Variants in UNC13C observed in about 807,000 individuals in gnomAD.
UNC13C encodes the protein unc-13 homolog C, also known as protein unc-13 homolog C.
UNC13C carries 174 observed loss-of-function variants against 245.4 expected under a neutral mutation model. That is an observed-to-expected ratio of 0.71 (90% CI 0.63 to 0.80). The LOEUF is 0.80. Among genes scored for constraint, UNC13C ranks in the 30% least tolerant of loss-of-function variants. The pLI is 0.00. For missense variants in UNC13C, 2,829 were observed against 2,602.9 expected, an observed-to-expected ratio of 1.09 and a Z score of -1.89; for synonymous variants, 992 against 895.1, an observed-to-expected ratio of 1.11 and a Z score of -1.93.
intron 4 of UNC13C, among the ~76,000 whole-genome samples, chr15:54,215,300 A>C (rs1295863228): frequency 1.3e-5 from 2 of 151,802 alleles, no homozygotes; most frequent in African/African-American, 4.8e-5. Context: ...TATACCAAAA[A>C]CCTAGGACCA....
chr15:54,140,650 G>A (rs184216537), intron 2 of UNC13C, among the ~76,000 whole-genome samples: 104 of 152,304 alleles, frequency 6.8e-4, no homozygotes, highest in African/African-American at 2.5e-3. Flanking sequence ...TTCACAGGGA[G>A]GAAACAGCAA....
chr15:53,901,508 G>T, the UNC13C span, among the ~76,000 whole-genome samples: 1 of 151,932 alleles, frequency 6.6e-6, no homozygotes, highest in Non-Finnish European at 1.5e-5. Context: ...TTACAGGCGT[G>T]AGCCACCATG....
At chr15:54,600,256 T>C (rs1482799722) in intron 30 of UNC13C, among the ~76,000 whole-genome samples, 2 of 152,074 alleles carry the variant, frequency 1.3e-5, no homozygotes, top group Non-Finnish European at 2.9e-5. Context: ...AAGTGAGACC[T>C]CTCTAAATTC....
chr15:54,172,072 T>A, intron 4 of UNC13C, among the ~76,000 whole-genome samples: 1 of 151,960 alleles, frequency 6.6e-6, no homozygotes, highest in East Asian at 1.9e-4. Flanking sequence ...ATTGTACTCA[T>A]GGAGATAAGA....
chr15:53,952,504 A>G, the UNC13C span, among the ~76,000 whole-genome samples: 7 of 152,234 alleles, frequency 4.6e-5, no homozygotes, highest in Admixed American at 6.5e-5. Flanking sequence ...TTTGAGTACC[A>G]ACTTTTGTAC....
chr15:54,521,295 G>A (rs1222709141), intron 24 of UNC13C, among the ~76,000 whole-genome samples: 1 of 152,074 alleles, frequency 6.6e-6, no homozygotes, highest in Non-Finnish European at 1.5e-5. Context: ...GAAAATAACC[G>A]ATAACACTGA....
At chr15:54,260,551 AT>A (rs1450346904) in intron 8 of UNC13C, among the ~76,000 whole-genome samples, 1 of 149,636 alleles carries the variant, frequency 6.7e-6, no homozygotes, top group Admixed American at 6.7e-5. Flanking sequence ...CATATATTCT[AT>A]ATATAATAAA....
chr15:54,162,160 G>C (rs747210327), intron 4 of UNC13C, among the ~76,000 whole-genome samples: 4 of 152,088 alleles, frequency 2.6e-5, no homozygotes, highest in Non-Finnish European at 4.4e-5. Context: ...CTATTGTTTA[G>C]GATTTGTTTT....
intron 26 of UNC13C, among the ~76,000 whole-genome samples, chr15:54,542,881 C>A (rs574862768): frequency 3.2e-4 from 49 of 152,142 alleles, no homozygotes; most frequent in African/African-American, 1.2e-3. Flanking sequence ...TTATTTTGAG[C>A]CTATGTGTGT....
intron 2 of UNC13C, among the ~76,000 whole-genome samples, chr15:54,016,286 G>A (rs1420543824): frequency 6.6e-6 from 1 of 152,110 alleles, no homozygotes; most frequent in African/African-American, 2.4e-5. Context: ...TACAGGGATG[G>A]AGAAAAAGGT....
intron 24 of UNC13C, among the ~76,000 whole-genome samples, chr15:54,515,617 A>C (rs1463717294): frequency 6.6e-6 from 1 of 152,214 alleles, no homozygotes; most frequent in East Asian, 1.9e-4. Flanking sequence ...TGTTATGATC[A>C]TTGATTTAGA....
chr15:54,229,058 G>T (rs1333343383), intron 4 of UNC13C, among the ~76,000 whole-genome samples: 3 of 152,170 alleles, frequency 2.0e-5, no homozygotes, highest in Non-Finnish European at 2.9e-5. Flanking sequence ...GCTAGGGCTG[G>T]TGTAAATGCT....
chr15:54,549,519 A>G (rs921183446), intron 27 of UNC13C, 116 bp from the exon 28 acceptor site: 25 of 773,824 alleles, frequency 3.2e-5, no homozygotes, highest in Non-Finnish European at 4.7e-5. Context: ...GGCATCTGGC[A>G]TAAGCCATAA....
At chr15:54,437,078 C>T (rs1890260031) in intron 19 of UNC13C, among the ~76,000 whole-genome samples, 1 of 151,912 alleles carries the variant, frequency 6.6e-6, no homozygotes, top group South Asian at 2.1e-4. Flanking sequence ...TGTGCATATG[C>T]ATTCACCGAT....
chr15:54,452,821 G>T (rs549491543), intron 19 of UNC13C, among the ~76,000 whole-genome samples: 1 of 152,244 alleles, frequency 6.6e-6, no homozygotes, highest in African/African-American at 2.4e-5. Context: ...AGCTGCCAAT[G>T]GAGCAGCCAC....
At chr15:54,609,289 A>G (rs1473712861) in intron 30 of UNC13C, 3 of 152,208 alleles carry the variant, frequency 2.0e-5, no homozygotes, top group African/African-American at 7.2e-5. Flanking sequence ...CACTGTGGAC[A>G]CTGCTCCATC....
intron 2 of UNC13C, among the ~76,000 whole-genome samples, chr15:54,069,797 G>A (rs1898236118): frequency 6.6e-6 from 1 of 152,214 alleles, no homozygotes; most frequent in South Asian, 2.1e-4. Flanking sequence ...TTCTGCAGCA[G>A]TTACTGGATC....
In UNC13C at chr15:54,622,053, AC is replaced by A. The variant is rs567658060; in HGVS notation, c.6107-271del. On this transcript the variant is annotated intron_variant, in intron 30 of 32. Transcript: ENST00000260323. ...ACTTCATTAAGTGGCTAGTAAATCAACCCTAGTTCTTTAAACTATCATAATA... is the reference window on the plus strand; with the variant it reads ...ACTTCATTAAGTGGCTAGTAAATCAACCTAGTTCTTTAAACTATCATAATA... 2.6e-5 allele frequency among the ~76,000 whole-genome samples: 4 copies of A among 152,240 alleles called. No homozygotes were observed. The South Asian group carries it at 8.3e-4, about 32-fold the overall frequency.
intron 18 of UNC13C, among the ~76,000 whole-genome samples, chr15:54,400,889 A>G (rs139070325): frequency 1.3e-5 from 2 of 152,260 alleles, no homozygotes; most frequent in African/African-American, 4.8e-5. Context: ...TCCTAATGTT[A>G]AGAAAATGTG....
Sources: allele counts gnomAD v4.1 joint callset (sites outside exome capture counted in the v4.1 genomes callset), GRCh38; gene constraint gnomAD v4.1.1; transcripts MANE v1.5; gene names NCBI Gene and HGNC (gene_info 2026-07-23, HGNC 2026-07-21).